The following SPPL3 variants were observed in gnomAD, a reference collection of about 807,000 sequenced individuals.
The protein encoded by SPPL3 is signal peptide peptidase like 3, also known as signal peptide peptidase-like 3.
SPPL3 carries 5 observed loss-of-function variants against 42.4 expected under a neutral mutation model. The ratio of observed to expected loss-of-function variants is 0.12; its 90% CI spans 0.06 to 0.25. SPPL3 has a LOEUF of 0.25. Ranked by LOEUF, SPPL3 falls within the 10% of genes least tolerant of loss-of-function variation. The probability of loss-of-function intolerance (pLI) is 1.00; values close to 1 mark genes in which losing one functional copy is unlikely to be tolerated. For synonymous variants in SPPL3, 195 were observed against 181.8 expected (o/e 1.07, Z -0.58); for missense variants, 235 against 489.0 (o/e 0.48, Z 4.90).
At chr12:120,886,022 T>C (rs1399780445) in intron 1 of SPPL3, among the ~76,000 whole-genome samples, 1 of 151,838 alleles carries the variant, frequency 6.6e-6, no homozygotes, top group Non-Finnish European at 1.5e-5. Context: ...GCCCAGCTAA[T>C]TTTGTATTTT....
chr12:120,815,366 A>AT (rs1870832979), intron 1 of SPPL3, among the ~76,000 whole-genome samples: 1 of 152,224 alleles, frequency 6.6e-6, no homozygotes, highest in Admixed American at 6.5e-5. Flanking sequence ...TGTAATTAAA[A>AT]TTTAAAAATT....
intron 1 of SPPL3, among the ~76,000 whole-genome samples, chr12:120,859,150 T>G (rs545828091): frequency 6.6e-6 from 1 of 152,148 alleles, no homozygotes; most frequent in African/African-American, 2.4e-5. Flanking sequence ...ACCAGAAGTG[T>G]TTCAGATCTC....
At chr12:120,899,888 C>A (rs1211673667) in intron 1 of SPPL3, among the ~76,000 whole-genome samples, 282 of 71,612 alleles carry the variant, frequency 3.9e-3, no homozygotes, top group African/African-American at 6.7e-3. Context: ...GACCCTGTCT[C>A]AAAAAAAAAA....
chr12:120,901,160 C>A (rs1287666320), intron 1 of SPPL3, among the ~76,000 whole-genome samples: 1 of 152,114 alleles, frequency 6.6e-6, no homozygotes, highest in African/African-American at 2.4e-5. Context: ...GCCTCCCAAG[C>A]CTGTTTCTTC....
intron 1 of SPPL3, among the ~76,000 whole-genome samples, chr12:120,882,888 G>A (rs1566068920): frequency 6.8e-6 from 1 of 147,304 alleles, no homozygotes; most frequent in Admixed American, 6.7e-5. Context: ...GCTAGACCCT[G>A]GCTTTTTAAA....
At chr12:120,807,197 T>G (rs1870526956) in intron 2 of SPPL3, among the ~76,000 whole-genome samples, 1 of 152,034 alleles carries the variant, frequency 6.6e-6, no homozygotes, top group Non-Finnish European at 1.5e-5. Flanking sequence ...ATCAGGGAAA[T>G]ACAACCCAAA....
intron 1 of SPPL3, among the ~76,000 whole-genome samples, chr12:120,876,808 TACACACACACACACACACACAC>T (rs71076677): frequency 2.0e-5 from 3 of 146,592 alleles, no homozygotes; most frequent in Non-Finnish European, 4.5e-5. Flanking sequence ...GAGAAACACA[TACACACACACACACACACACAC>T]ACACACACAC....
intron 1 of SPPL3, among the ~76,000 whole-genome samples, chr12:120,826,340 T>C (rs1187911378): frequency 6.7e-6 from 1 of 149,386 alleles, no homozygotes; most frequent in Non-Finnish European, 1.5e-5. Context: ...AAAATTTCCA[T>C]GGGTTATGAC....
intron 6 of SPPL3, among the ~76,000 whole-genome samples, chr12:120,778,291 A>G (rs1869406049): frequency 6.6e-6 from 1 of 151,242 alleles, no homozygotes; most frequent in South Asian, 2.1e-4. Context: ...TAATTTTTGA[A>G]CTTTTAGTAG....
chr12:120,850,441 T>C (rs1188742067), intron 1 of SPPL3, among the ~76,000 whole-genome samples: 2 of 149,092 alleles, frequency 1.3e-5, no homozygotes, highest in Non-Finnish European at 3.0e-5. Flanking sequence ...GGAGGACTGC[T>C]TGAGCCCAAG....
chr12:120,857,264 C>T (rs1299482389), intron 1 of SPPL3, among the ~76,000 whole-genome samples: 5 of 152,176 alleles, frequency 3.3e-5, no homozygotes. Context: ...CAAATCAAAA[C>T]CACAATGTGA....
intron 1 of SPPL3, among the ~76,000 whole-genome samples, chr12:120,871,144 A>AAAAAAAAG (rs61249398): frequency 1.3e-4 from 18 of 142,204 alleles, no homozygotes; most frequent in Middle Eastern, 3.6e-3. Flanking sequence ...AAAAAAAAAA[A>AAAAAAAAG]AAAAAGAAAA....
At position 120,766,255 on chromosome 12, in the gene SPPL3, GCT is replaced by G. The variant is rs1868901387; in HGVS notation, c.1083+6_1083+7del. The stretch of plus-strand genomic sequence containing the variant: ...TTGCTTTCACAGGTTTATAACTGCT[GCT>G]CTCACCTTTAAATAGGCCATCGTGA... On this transcript the variant is annotated splice_donor_region_variant and intron_variant, in intron 10 of 10. Coordinates refer to ENST00000353487, the MANE Select transcript of SPPL3 (RefSeq NM_139015.5). 2 of 1,565,704 alleles carry G rather than the reference GCT, an allele frequency of 1.3e-6. No individual in the cohort carries two copies. The highest frequency in any genetic ancestry group is 1.3e-5 in the African/African-American group (1 of 74,336).
At chr12:120,876,449 T>TAA (rs1402303344) in intron 1 of SPPL3, among the ~76,000 whole-genome samples, 1 of 148,516 alleles carries the variant, frequency 6.7e-6, no homozygotes, top group Admixed American at 6.7e-5. Flanking sequence ...CCGTCTCTAC[T>TAA]AAAAAAAAAT....
chr12:120,763,364 C>T lies in SPPL3; in HGVS notation c.*1635G>A, dbSNP rs13746. The T allele has an allele frequency of 0.51, 78,052 of 152,530 alleles. 20,127 individuals are homozygous for T. The highest frequency in any genetic ancestry group is 0.61 in the Admixed American group (9,248 of 15,278). 9.4% of individuals were successfully genotyped at this position (152,530 alleles called of 1,614,324 possible). A position where few individuals can be genotyped will look rare whatever the true frequency, so the allele number is the denominator to read the frequency against. On this transcript the variant is annotated 3_prime_UTR_variant, in exon 11 of 11. Coordinates refer to ENST00000353487, the MANE Select transcript of SPPL3 (RefSeq NM_139015.5). ...ACAGGATGGGTGCCCCCTGTGAGCT[C>T]GATCCACAGTGACTTCAAGCCACAG...
At chr12:120,848,047 C>CT (rs967879420) in intron 1 of SPPL3, among the ~76,000 whole-genome samples, 2 of 152,164 alleles carry the variant, frequency 1.3e-5, no homozygotes, top group African/African-American at 4.8e-5. Flanking sequence ...GTTCATCACA[C>CT]TGGTGTGAGA....
At chr12:120,891,371 G>GGCACT (rs1387820302) in intron 1 of SPPL3, among the ~76,000 whole-genome samples, 3 of 151,970 alleles carry the variant, frequency 2.0e-5, no homozygotes, top group Admixed American at 2.0e-4. Context: ...CTAAGATTGA[G>GGCACT]GCACTGCTAT....
chr12:120,867,193 T>C (rs1872778903), intron 1 of SPPL3, among the ~76,000 whole-genome samples: 2 of 152,312 alleles, frequency 1.3e-5, no homozygotes, highest in Admixed American at 6.5e-5. Context: ...CATATCTAAA[T>C]GTAACTTAAA....
chr12:120,768,755 C>T (rs1868999481), intron 7 of SPPL3, 198 bp downstream of exon 7: 1 of 630,742 alleles, frequency 1.6e-6, no homozygotes. Context: ...GAGTCACACA[C>T]ACACACTACC....
Sources: allele counts gnomAD v4.1 joint callset (sites outside exome capture counted in the v4.1 genomes callset), GRCh38; gene constraint gnomAD v4.1.1; transcripts MANE v1.5; gene names NCBI Gene and HGNC (gene_info 2026-07-23, HGNC 2026-07-21).